Variants in PPARGC1A observed in about 807,000 individuals in gnomAD.
The protein encoded by PPARGC1A is PPARG coactivator 1 alpha.
A neutral mutation model predicts 88.7 loss-of-function variants in PPARGC1A; 25 were observed. The observed-to-expected ratio is 0.28, with a 90% CI of 0.21 to 0.39. The LOEUF is 0.39. Ranked by LOEUF, PPARGC1A falls within the 10% of genes least tolerant of loss-of-function variation. The pLI, the probability that PPARGC1A is intolerant of heterozygous loss-of-function variation, is 1.00. For synonymous variants in PPARGC1A, 363 were observed against 355.6 expected (o/e 1.02, Z -0.24); for missense variants, 880 against 968.7 (o/e 0.91, Z 1.22).
the PPARGC1A span, among the ~76,000 whole-genome samples, chr4:23,956,166 C>A: frequency 1.3e-5 from 2 of 152,096 alleles, no homozygotes; most frequent in Non-Finnish European, 2.9e-5. Flanking sequence ...ACAAAAACAG[C>A]TAGTGGGCTG....
intron 2 of PPARGC1A, among the ~76,000 whole-genome samples, chr4:23,850,719 A>G (rs1264954354): frequency 1.3e-5 from 2 of 152,190 alleles, no homozygotes; most frequent in Non-Finnish European, 1.5e-5. Flanking sequence ...GCTTCCTTTT[A>G]TCTTCATAGT....
At chr4:23,918,624 T>C in the PPARGC1A span, among the ~76,000 whole-genome samples, 2 of 152,320 alleles carry the variant, frequency 1.3e-5, no homozygotes, top group East Asian at 3.9e-4. Context: ...GGCTTGCATA[T>C]TTTTATCTTC....
intron 7 of PPARGC1A, among the ~76,000 whole-genome samples, chr4:23,822,583 C>T (rs1177060403): frequency 6.6e-6 from 1 of 152,076 alleles, no homozygotes; most frequent in South Asian, 2.1e-4. Context: ...TTTCTAGGTA[C>T]AATTAGTGTT....
chr4:24,320,235 T>A, the PPARGC1A span, among the ~76,000 whole-genome samples: 2 of 152,244 alleles, frequency 1.3e-5, no homozygotes, highest in Non-Finnish European at 2.9e-5. Context: ...GTTTAAGCAA[T>A]GTTTTCTAAA....
intron 2 of PPARGC1A, among the ~76,000 whole-genome samples, chr4:23,860,633 C>T (rs1474800493): frequency 1.3e-5 from 2 of 152,100 alleles, no homozygotes; most frequent in East Asian, 3.9e-4. Context: ...AGAGGAAGCA[C>T]CACTAAACTC....
the PPARGC1A span, among the ~76,000 whole-genome samples, chr4:24,125,551 CA>C: frequency 6.6e-6 from 1 of 152,262 alleles, no homozygotes; most frequent in African/African-American, 2.4e-5. Flanking sequence ...TAGTAGGGCT[CA>C]ATGGAAAACT....
At chr4:24,217,589 G>A in the PPARGC1A span, among the ~76,000 whole-genome samples, 1 of 152,136 alleles carries the variant, frequency 6.6e-6, no homozygotes, top group African/African-American at 2.4e-5. Flanking sequence ...GATCACCTGA[G>A]GTCAGGAGTT....
the PPARGC1A span, among the ~76,000 whole-genome samples, chr4:24,419,109 G>A: frequency 6.6e-6 from 1 of 152,022 alleles, no homozygotes; most frequent in Non-Finnish European, 1.5e-5. Flanking sequence ...AAAAACAGAG[G>A]GAAAAGAAGC....
chr4:24,436,359 G>A, the PPARGC1A span, among the ~76,000 whole-genome samples: 15 of 152,238 alleles, frequency 9.9e-5, no homozygotes, highest in South Asian at 1.9e-3. Context: ...ACACAGCACC[G>A]CTCTGTGCAG....
At chr4:23,801,985 C>T (rs1718846354) in intron 11 of PPARGC1A, 104 bp from the exon 12 acceptor site, 4 of 1,411,918 alleles carry the variant, frequency 2.8e-6, no homozygotes, top group Admixed American at 2.0e-5. Flanking sequence ...ACGTCTGAGC[C>T]ACTGAATCCA....
chr4:24,015,433 G>C, the PPARGC1A span, among the ~76,000 whole-genome samples: 1 of 152,062 alleles, frequency 6.6e-6, no homozygotes, highest in Non-Finnish European at 1.5e-5. Flanking sequence ...TAAAACAGTT[G>C]CTATTTACTC....
At chr4:24,230,498 T>C in the PPARGC1A span, among the ~76,000 whole-genome samples, 1 of 152,164 alleles carries the variant, frequency 6.6e-6, no homozygotes, top group East Asian at 1.9e-4. Context: ...TGGTTCCTGA[T>C]GGGGCAGTGA....
the PPARGC1A span, among the ~76,000 whole-genome samples, chr4:23,970,774 G>A: frequency 3.1e-4 from 47 of 152,246 alleles, no homozygotes; most frequent in African/African-American, 1.0e-3. Flanking sequence ...ACAATACCAG[G>A]TCGGTATCTA....
chr4:24,287,710 A>G, the PPARGC1A span, among the ~76,000 whole-genome samples: 1 of 151,898 alleles, frequency 6.6e-6, no homozygotes, highest in South Asian at 2.1e-4. Flanking sequence ...AGAAGACACA[A>G]TAGTCAGAAT....
the PPARGC1A span, among the ~76,000 whole-genome samples, chr4:24,187,947 G>T: frequency 2.4e-4 from 37 of 152,172 alleles, no homozygotes; most frequent in African/African-American, 8.4e-4. Context: ...TTAAAATAAG[G>T]TTTGCAGGAT....
chr4:24,227,886 G>T, the PPARGC1A span, among the ~76,000 whole-genome samples: 5 of 152,372 alleles, frequency 3.3e-5, no homozygotes, highest in South Asian at 1.0e-3. Flanking sequence ...TTACAGGATT[G>T]CCTAGTGCTT....
upstream of PPARGC1A, among the ~76,000 whole-genome samples, chr4:23,906,607 C>CAA (rs35171233): frequency 4.8e-3 from 301 of 63,338 alleles, 4 homozygotes; most frequent in African/African-American, 7.7e-3. Flanking sequence ...CTCTGTCTCA[C>CAA]AAAAAAAAAA....
At chr4:23,816,784 A>T (rs1722074484) in intron 7 of PPARGC1A, among the ~76,000 whole-genome samples, 1 of 152,182 alleles carries the variant, frequency 6.6e-6, no homozygotes. Flanking sequence ...CCCTCTATTG[A>T]TACCAATCAC....
upstream of PPARGC1A, among the ~76,000 whole-genome samples, chr4:23,906,134 C>T (rs150907386): frequency 9.2e-5 from 14 of 152,280 alleles, no homozygotes; most frequent in East Asian, 2.7e-3. Flanking sequence ...CTTTGCAGAT[C>T]AACCCCTACA....
Sources: allele counts gnomAD v4.1 joint callset (sites outside exome capture counted in the v4.1 genomes callset), GRCh38; gene constraint gnomAD v4.1.1; transcripts MANE v1.5; gene names NCBI Gene and HGNC (gene_info 2026-07-23, HGNC 2026-07-21).